The following TJP2 variants were observed in gnomAD, a reference collection of about 807,000 sequenced individuals.
TJP2 encodes the protein tight junction protein 2, also known as Friedreich ataxia region gene X104 (tight junction protein ZO-2).
Under a neutral mutation model 133.1 loss-of-function variants are expected in TJP2, and 91 were observed. That is an observed-to-expected ratio of 0.68 (90% CI 0.58 to 0.81). The LOEUF (loss-of-function observed/expected upper bound fraction) is 0.81, where lower values mean the gene tolerates loss of function less well. TJP2 is among the 40% of genes least tolerant of loss of function. The probability of loss-of-function intolerance (pLI) is 0.00; values close to 1 mark genes in which losing one functional copy is unlikely to be tolerated. For missense variants in TJP2, 1,541 were observed against 1,565.6 expected, an observed-to-expected ratio of 0.98 and a Z score of 0.26; for synonymous variants, 592 against 583.4, an observed-to-expected ratio of 1.01 and a Z score of -0.21.
intron 2 of TJP2, among the ~76,000 whole-genome samples, chr9:69,156,762 G>A (rs1161240876): frequency 4.0e-5 from 6 of 151,600 alleles, no homozygotes; most frequent in African/African-American, 1.5e-4. Context: ...CTCGTGATCC[G>A]CCCGCCTCGG....
Position 69,163,030 on chromosome 9 carries a change from A to AT in TJP2, c.-10+11272dup, listed in dbSNP as rs1169586128. Among the ~76,000 whole-genome samples, 48 of 79,778 alleles carry AT rather than the reference A, an allele frequency of 6.0e-4. 12 individuals carry two copies. The highest frequency in any genetic ancestry group is 2.8e-3 in the South Asian group (7 of 2,508). The allele number at this position is 79,778 out of a possible 152,430, so 52.3% of individuals were successfully genotyped here. On this transcript the variant is annotated intron_variant, in intron 2 of 5. Transcript: ENST00000423935. The stretch of plus-strand genomic sequence containing the variant: ...TTAAAAAGTATCTTTATTTTATTTT[A>AT]TTTTTTTTTTTTTGAGACGGAGTCT...
At chr9:69,247,977 A>G (rs1460635976) in intron 18 of TJP2, 35 bp from the exon 19 acceptor site, 37 of 1,550,820 alleles carry the variant, frequency 2.4e-5, no homozygotes, top group Non-Finnish European at 3.1e-5. Context: ...GAGCCACATC[A>G]GACCCCACTG....
chr9:69,137,240 TC>T, intron 1 of TJP2, among the ~76,000 whole-genome samples: 5 of 25,152 alleles, frequency 2.0e-4, no homozygotes, highest in Non-Finnish European at 4.2e-4. Flanking sequence ...TTTCTTTCTT[TC>T]TCTCTCTCTT....
chr9:69,248,783 T>A lies in TJP2; in HGVS notation c.2880+559T>A, dbSNP rs937745513. The A allele has an allele frequency of 8.0e-6, 8 of 994,480 alleles. No homozygotes were observed. The African/African-American group carries it at 1.4e-4, about 17-fold the overall frequency. The allele number at this position is 994,480 out of a possible 1,614,324, so 61.6% of individuals were successfully genotyped here. A position where few individuals can be genotyped will look rare whatever the true frequency, so the allele number is the denominator to read the frequency against. ...TAGATAGCTTATGGGATCCTTGAAA[T>A]CACATTGACAGGCACTGTAAAGTCA... On this transcript the variant is annotated intron_variant, in intron 19 of 22. Coordinates refer to ENST00000377245, the MANE Select transcript of TJP2 (RefSeq NM_004817.4).
chr9:69,156,576 G>A (rs1341761769), intron 2 of TJP2, among the ~76,000 whole-genome samples: 1 of 143,668 alleles, frequency 7.0e-6, no homozygotes, highest in Non-Finnish European at 1.5e-5. Flanking sequence ...CTGTCGCCCA[G>A]GCGGGAGTGC....
Position 69,230,218 on chromosome 9 carries a change from G to T in TJP2, c.1657G>T (p.Asp553Tyr). 6.2e-7 allele frequency: 1 copy of T among 1,614,142 alleles called. No homozygotes were observed. The highest frequency in any genetic ancestry group is 8.5e-7 in the Non-Finnish European group (1 of 1,180,022). ...GGAGCAGGAGGGCCTTCAAGAAGGA[G>T]ACCAGATTCTGAAGGTAAGAACAGC... is the stretch of plus-strand genomic sequence containing the variant. The part of the protein sequence containing the change: ...SAEQEGLQEG[D>Y]QILKVNTQDF... Residue 553 changes from aspartate to tyrosine, a missense_variant, in exon 11 of 23, where the codon GAC (aspartate) becomes TAC (tyrosine). Transcript: ENST00000377245.
intron 1 of TJP2, among the ~76,000 whole-genome samples, chr9:69,202,993 C>A (rs1249644461): frequency 2.6e-5 from 4 of 152,150 alleles, no homozygotes; most frequent in Admixed American, 2.6e-4. Flanking sequence ...GTAGAAGAAT[C>A]TGGAATTCTT....
At chr9:69,250,191 C>G (rs1336606106) in intron 20 of TJP2, among the ~76,000 whole-genome samples, 1 of 152,194 alleles carries the variant, frequency 6.6e-6, no homozygotes. Flanking sequence ...CAACCTCCAC[C>G]TCCTGGGTTC....
rs1393914970 is a variant in TJP2 at position 69,240,044 on chromosome 9, C to T, written c.2463C>T (p.Val821=). ...IFFNPDSRQG[V]KTMRQRLNPT... is the part of the protein sequence containing the mutation. ...TCAACCCAGACTCCAGACAAGGTGTCAAAACCATGAGACAAAGGTTAAATC... is the reference window on the plus strand; with the variant it reads ...TCAACCCAGACTCCAGACAAGGTGTTAAAACCATGAGACAAAGGTTAAATC... Residue 821 remains valine (V), a synonymous_variant, in exon 17 of 23, where the codon GTC becomes GTT. Coordinates refer to ENST00000377245, the MANE Select transcript of TJP2 (RefSeq NM_004817.4). 39 of 1,613,876 alleles carry T rather than the reference C, an allele frequency of 2.4e-5. No individual in the cohort carries two copies. Among genetic ancestry groups the T allele is most frequent in the Non-Finnish European group, 3.1e-5 (37 of 1,180,006 alleles).
rs747566342 is a variant in TJP2, at chr9:69,221,140, G to A, written c.596G>A (p.Arg199Gln). Residue 199 changes from arginine (R) to glutamine (Q), a missense_variant, in exon 5 of 23, where the codon CGG (arginine) becomes CAG (glutamine). By Grantham distance (43) the Arg-to-Gln change is conservative. Transcript: ENST00000377245. ...CTCAGCCGGGACCGGAGCCGTGGCC[G>A]GAGCCTGGAGCGGGGCCTGGACCAA... ...RDLSRDRSRG[R>Q]SLERGLDQDH... 8 of 1,591,562 alleles carry A rather than the reference G, an allele frequency of 5.0e-6. No homozygotes were observed. Among genetic ancestry groups the A allele is most frequent in the South Asian group, 1.1e-5 (1 of 88,392 alleles).
chr9:69,253,059 A>G, intron 22 of TJP2, 159 bp downstream of exon 22: 1 of 678,984 alleles, frequency 1.5e-6, no homozygotes. Flanking sequence ...TTAATTGTAA[A>G]GATTACAGAG....
At chr9:69,232,276 C>A (rs7031957) in intron 11 of TJP2, among the ~76,000 whole-genome samples, 94,747 of 152,046 alleles carry the variant, frequency 0.62, 29,869 homozygotes, top group East Asian at 0.7. Flanking sequence ...AGAAGCTTTC[C>A]GTTCTAGAAA....
intron 1 of TJP2, among the ~76,000 whole-genome samples, chr9:69,180,313 G>T (rs1372506620): frequency 6.6e-6 from 1 of 152,200 alleles, no homozygotes; most frequent in Non-Finnish European, 1.5e-5. Flanking sequence ...TGAGAACATT[G>T]CAGATACTTT....
At position 69,249,414 on chromosome 9, in the gene TJP2, A is replaced by T; in HGVS notation, c.2920A>T (p.Arg974Trp). ...CAGCCCAGAGCCACGAGCTCAGATG[A>T]GGAGGGCTGCTAGCAGCGATCAACT... ...KPSPEPRAQM[R>W]RAASSDQLRD... Residue 974 changes from arginine (R) to tryptophan (W), a missense_variant, in exon 20 of 23, where the codon AGG (arginine) becomes TGG (tryptophan). Coordinates refer to ENST00000377245, the MANE Select transcript of TJP2 (RefSeq NM_004817.4). 2 of 1,612,040 alleles carry T rather than the reference A, an allele frequency of 1.2e-6. No individual in the cohort carries two copies. Among genetic ancestry groups the T allele is most frequent in the Non-Finnish European group, 1.7e-6 (2 of 1,178,980 alleles).
intron 1 of TJP2, chr9:69,145,637 G>T (rs1823181399): frequency 2.1e-6 from 2 of 969,754 alleles, no homozygotes; most frequent in Admixed American, 4.3e-5. Flanking sequence ...TTCCATTAAA[G>T]ATTAGTTCAG....
intron 1 of TJP2, among the ~76,000 whole-genome samples, chr9:69,184,111 C>T (rs1295528461): frequency 6.6e-6 from 1 of 152,152 alleles, no homozygotes; most frequent in Non-Finnish European, 1.5e-5. Context: ...TGACTTTGAG[C>T]AATTTACCTT....
intron 19 of TJP2, chr9:69,248,734 C>T (rs929229443): frequency 1.0e-6 from 1 of 998,554 alleles, no homozygotes; most frequent in Non-Finnish European, 1.2e-6. Flanking sequence ...GATCACATCA[C>T]ATGTACTGTG....
At chr9:69,128,700 T>A (rs945323439) in intron 1 of TJP2, among the ~76,000 whole-genome samples, 4 of 152,064 alleles carry the variant, frequency 2.6e-5, no homozygotes, top group Non-Finnish European at 4.4e-5. Context: ...TTTTTGTTGT[T>A]ATTTTTCAGT....
rs763379938 is a variant in TJP2, at chr9:69,225,266, T to G, written c.953-38T>G. 20 of 1,356,648 alleles carry G rather than the reference T, an allele frequency of 1.5e-5. No homozygotes were observed. The African/African-American group carries it at 2.4e-4, about 16-fold the overall frequency. The allele number at this position is 1,356,648 out of a possible 1,614,324, so 84.0% of individuals were successfully genotyped here. A position where few individuals can be genotyped will look rare whatever the true frequency, so the allele number is the denominator to read the frequency against. On this transcript the variant is annotated intron_variant, in intron 5 of 22. Transcript: ENST00000377245. ...ACCAGACTAAGTTTTTTGAACAAAT[T>G]GATAACATACGTGTATGTTTATGTG...
Sources: allele counts gnomAD v4.1 joint callset (sites outside exome capture counted in the v4.1 genomes callset), GRCh38; gene constraint gnomAD v4.1.1; transcripts MANE v1.5; gene names NCBI Gene and HGNC (gene_info 2026-07-23, HGNC 2026-07-21).